Variants in USP42 observed in about 807,000 individuals in gnomAD.
USP42 encodes ubiquitin carboxyl-terminal hydrolase 42.
In USP42, 23 loss-of-function variants were observed where a neutral mutation model predicts 113.0. The ratio of observed to expected loss-of-function variants is 0.20; its 90% CI spans 0.15 to 0.29. USP42 has a LOEUF of 0.29. Among genes scored for constraint, USP42 ranks in the 10% least tolerant of loss-of-function variants. The pLI is 1.00. For synonymous variants in USP42, 933 were observed against 699.0 expected, an observed-to-expected ratio of 1.33 and a Z score of -5.28; for missense variants, 2,174 against 1,779.8, an observed-to-expected ratio of 1.22 and a Z score of -3.99.
chr7:6,129,630 G>A (rs1398330442), intron 3 of USP42, among the ~76,000 whole-genome samples: 1 of 151,486 alleles, frequency 6.6e-6, no homozygotes, highest in African/African-American at 2.4e-5. Flanking sequence ...GGAGGCCGAG[G>A]CGGGCGGATT....
At chr7:6,155,586 T>C (rs1309357874) in intron 15 of USP42, among the ~76,000 whole-genome samples, 1 of 152,186 alleles carries the variant, frequency 6.6e-6, no homozygotes, top group Non-Finnish European at 1.5e-5. Flanking sequence ...TGTTTTCATA[T>C]CTGTTATATT....
chr7:6,109,982 T>TGGGATTACAG (rs1779507702), intron 1 of USP42, among the ~76,000 whole-genome samples: 1 of 151,948 alleles, frequency 6.6e-6, no homozygotes, highest in Non-Finnish European at 1.5e-5. Context: ...ATTACAGGTG[T>TGGGATTACAG]GCACCACCAT....
the USP42 span, chr7:6,081,304 C>G: frequency 6.6e-6 from 1 of 152,064 alleles, no homozygotes; most frequent in Non-Finnish European, 1.5e-5. Context: ...ACACCCTCCT[C>G]CTGGCCCGCG....
Position 6,154,873 on chromosome 7 carries a change from C to T in USP42, c.3319C>T (p.Arg1107Trp), listed in dbSNP as rs761845592. The change falls in exon 15 of 18, where the codon CGG (arginine) becomes TGG (tryptophan). Residue 1107 changes from arginine (R) to tryptophan (W), a missense_variant. By Grantham distance (101) the Arg-to-Trp change is moderately radical. Transcript: ENST00000306177. ...GGGCCGTAGGGGCTGCGAGCCGGCC[C>T]GGGAGAGGGAGCGGCACCGCCCCAG... ...NRGRRGCEPA[R>W]ERERHRPSSP... 24 of 1,527,794 alleles carry T rather than the reference C, an allele frequency of 1.6e-5. No homozygotes were observed. The highest frequency in any genetic ancestry group is 2.0e-5 in the Non-Finnish European group (23 of 1,135,988). 94.6% of individuals were successfully genotyped at this position (1,527,794 alleles called of 1,614,324 possible).
chr7:6,140,075 A>G, intron 5 of USP42, 53 bp from the exon 6 acceptor site: 1 of 1,496,418 alleles, frequency 6.7e-7, no homozygotes, highest in Non-Finnish European at 9.3e-7. Flanking sequence ...TGGTCACAGC[A>G]TCTGGAGTTT....
chr7:6,153,100 C>G (rs1016309586), intron 14 of USP42: 1 of 221,982 alleles, frequency 4.5e-6, no homozygotes, highest in Non-Finnish European at 7.6e-6. Context: ...TAGTGAAACC[C>G]CATCTCTACT....
chr7:6,108,228 A>G (rs1213452172), intron 1 of USP42, among the ~76,000 whole-genome samples: 1 of 152,150 alleles, frequency 6.6e-6, no homozygotes, highest in African/African-American at 2.4e-5. Flanking sequence ...TACAAGTAAC[A>G]AAATTGATGC....
At chr7:6,082,038 A>G in the USP42 span, among the ~76,000 whole-genome samples, 3 of 152,054 alleles carry the variant, frequency 2.0e-5, no homozygotes, top group Non-Finnish European at 4.4e-5. Context: ...TATTACATAT[A>G]TATGTATGTA....
chr7:6,100,610 G>A (rs772032854), upstream of USP42, among the ~76,000 whole-genome samples: 5 of 150,562 alleles, frequency 3.3e-5, no homozygotes, highest in African/African-American at 1.0e-4. Flanking sequence ...GATTACAGGC[G>A]GGAGCCACTG....
chr7:6,138,111 G>T (rs1309877903), intron 4 of USP42, among the ~76,000 whole-genome samples: 2 of 152,206 alleles, frequency 1.3e-5, no homozygotes, highest in Non-Finnish European at 2.9e-5. Flanking sequence ...TCATGAAGTT[G>T]TCACGTTTGT....
At chr7:6,099,256 C>T in the USP42 span, among the ~76,000 whole-genome samples, 1 of 139,572 alleles carries the variant, frequency 7.2e-6, no homozygotes, top group Non-Finnish European at 1.5e-5. Flanking sequence ...GTTCTGTTGC[C>T]CAGGCTGGAG....
chr7:6,106,326 C>G (rs961860626), intron 1 of USP42, among the ~76,000 whole-genome samples: 1 of 152,140 alleles, frequency 6.6e-6, no homozygotes. Flanking sequence ...AGAAGCAGAG[C>G]GTAACAGTTT....
chr7:6,145,442 A>C (rs912036495), intron 9 of USP42, 74 bp from the exon 10 acceptor site: 14 of 1,586,462 alleles, frequency 8.8e-6, no homozygotes, highest in Non-Finnish European at 1.1e-5. Flanking sequence ...AGGAAGCTCT[A>C]AGTACCCTCT....
intron 1 of USP42, among the ~76,000 whole-genome samples, chr7:6,106,265 T>C (rs904150290): frequency 2.6e-5 from 4 of 152,230 alleles, no homozygotes; most frequent in Non-Finnish European, 4.4e-5. Context: ...AGCGTGTGTG[T>C]TTTCTCTTAT....
At chr7:6,120,018 T>C (rs1338908914) in intron 3 of USP42, among the ~76,000 whole-genome samples, 1 of 152,168 alleles carries the variant, frequency 6.6e-6, no homozygotes, top group Non-Finnish European at 1.5e-5. Flanking sequence ...CGGGCTGGAG[T>C]GCAGTGGCGC....
intron 3 of USP42, among the ~76,000 whole-genome samples, chr7:6,125,384 G>T (rs1295099320): frequency 6.6e-6 from 1 of 151,876 alleles, no homozygotes; most frequent in Non-Finnish European, 1.5e-5. Context: ...CAGCTACTTC[G>T]GAGACTGAGG....
chr7:6,102,834 G>T (rs1319378065), upstream of USP42, among the ~76,000 whole-genome samples: 1 of 151,136 alleles, frequency 6.6e-6, no homozygotes, highest in African/African-American at 2.5e-5. Context: ...TGCTCAGAGT[G>T]GGGGAGTCAA....
chr7:6,106,449 G>A (rs1779282824), intron 1 of USP42, among the ~76,000 whole-genome samples: 1 of 152,174 alleles, frequency 6.6e-6, no homozygotes, highest in Non-Finnish European at 1.5e-5. Context: ...TTGATAACAA[G>A]GGAGACATAC....
rs1782663345 is a variant in USP42, at chr7:6,159,709, G to T, written c.*36+216G>T. 6.6e-6 allele frequency among the ~76,000 whole-genome samples: 1 copy of T among 152,166 alleles called. No individual in the cohort carries two copies. Among genetic ancestry groups the T allele is most frequent in the Non-Finnish European group, 1.5e-5 (1 of 68,024 alleles). On this transcript the variant is annotated intron_variant, in intron 17 of 17. Coordinates refer to ENST00000306177, the MANE Select transcript of USP42 (RefSeq NM_032172.3). This position sits in a 1 kb window ranked among gnomAD's most constrained non-coding sequence, Gnocchi z 4.1. ...CCACCTCATCACGTTTGCATTACTG[G>T]CTGGGGAAGACCCGCATCCTTCACG...
Sources: allele counts gnomAD v4.1 joint callset (sites outside exome capture counted in the v4.1 genomes callset), GRCh38; gene constraint gnomAD v4.1.1; non-coding constraint Gnocchi (gnomAD v3.1); transcripts MANE v1.5; gene names NCBI Gene and HGNC (gene_info 2026-07-23, HGNC 2026-07-21).